Variants in JPT2 observed in about 807,000 individuals in gnomAD.
JPT2 encodes the protein Jupiter microtubule associated homolog 2.
JPT2 carries 9 observed loss-of-function variants against 15.9 expected under a neutral mutation model. That is an observed-to-expected ratio of 0.57 (90% CI 0.34 to 0.99). The LOEUF (loss-of-function observed/expected upper bound fraction) is 0.99. JPT2 is among the 50% of genes least tolerant of loss of function. JPT2 has a pLI of 0.02. For missense variants in JPT2, 267 were observed against 252.1 expected, an observed-to-expected ratio of 1.06 and a Z score of -0.40; for synonymous variants, 95 against 91.7, an observed-to-expected ratio of 1.04 and a Z score of -0.21.
rs574887382 is a variant in JPT2, at chr16:1,691,777, G to C, written c.194-66G>C. 9.6e-6 allele frequency: 15 copies of C among 1,560,122 alleles called. No individual in the cohort carries two copies. The East Asian group carries it at 3.4e-4, about 35-fold the overall frequency. The stretch of plus-strand genomic sequence containing the variant: ...TGAGAGGAGGTCTCCAAAGCACTGC[G>C]GGGGTGGGGTGGGGTGGGGTCCGGT... On this transcript the variant is annotated intron_variant, in intron 2 of 4. Transcript: ENST00000248098.
At chr16:1,696,092 G>C (rs1175151040) in intron 3 of JPT2, among the ~76,000 whole-genome samples, 1 of 152,138 alleles carries the variant, frequency 6.6e-6, no homozygotes, top group Non-Finnish European at 1.5e-5. Context: ...AGCCGGGCAT[G>C]ATGGTGGATG....
chr16:1,699,104 C>T lies in JPT2; in HGVS notation c.*106C>T, dbSNP rs2037163761. ...TGAGCGGGGTGGGAAGAGGGTTAGT[C>T]TTATGTGAGCCTGGCTGCTCAGCGT... On this transcript the variant is annotated 3_prime_UTR_variant, in exon 5 of 5. Transcript: ENST00000248098. 8 of 1,186,400 alleles carry T rather than the reference C, an allele frequency of 6.7e-6. No homozygotes were observed. The highest frequency in any genetic ancestry group is 1.5e-5 in the African/African-American group (1 of 66,862). 73.5% of individuals were successfully genotyped at this position (1,186,400 alleles called of 1,614,324 possible). A position where few individuals can be genotyped will look rare whatever the true frequency, so the allele number is the denominator to read the frequency against.
At chr16:1,679,469 G>T (rs940938931) in intron 1 of JPT2, among the ~76,000 whole-genome samples, 1 of 152,172 alleles carries the variant, frequency 6.6e-6, no homozygotes, top group African/African-American at 2.4e-5. Flanking sequence ...GCTGAGGTGG[G>T]CGAGTCACGT....
At position 1,678,287 on chromosome 16, in the gene JPT2, G is replaced by T; in HGVS notation, c.-26G>T. The T allele has an allele frequency of 8.1e-7, 1 of 1,235,912 alleles. No homozygotes were observed. The allele number at this position is 1,235,912 out of a possible 1,614,324, so 76.6% of individuals were successfully genotyped here. On this transcript the variant is annotated 5_prime_UTR_variant, in exon 1 of 5. Coordinates refer to ENST00000248098, the MANE Select transcript of JPT2 (RefSeq NM_144570.3). ...GCTGGGCGGGCGGGAACGGCGCGCGGCGAGCTGAGGGTGGCGGCGGTCGAC... is the reference window on the plus strand; with the variant it reads ...GCTGGGCGGGCGGGAACGGCGCGCGTCGAGCTGAGGGTGGCGGCGGTCGAC...
chr16:1,684,604 G>A (rs191040162), intron 1 of JPT2, among the ~76,000 whole-genome samples: 23 of 152,264 alleles, frequency 1.5e-4, no homozygotes, highest in Non-Finnish European at 2.1e-4. Context: ...GCTGGGTGTG[G>A]TGGCGCATAC....
chr16:1,691,942 C>T lies in JPT2; in HGVS notation c.293C>T (p.Pro98Leu), dbSNP rs1161142014. ...GGKTSDIFGS[P>L]VTATSRLAHP... ...AAGACCAGCGACATTTTTGGGTCTC[C>T]GGTCACTGCCACTTCACGCTTGGCA... Residue 98 changes from proline to leucine, a missense_variant, in exon 3 of 5, where the codon CCG (proline) becomes CTG (leucine). Pro to Leu is a moderately conservative substitution (Grantham distance 98, BLOSUM62 -3). Transcript: ENST00000248098. The T allele has an allele frequency of 1.9e-6, 3 of 1,614,196 alleles. No homozygotes were observed. The highest frequency in any genetic ancestry group is 1.1e-5 in the South Asian group (1 of 91,088).
rs548126456 is a variant in JPT2 at position 1,698,826 on chromosome 16, C to T, written c.401C>T (p.Pro134Leu). The change falls in exon 5 of 5, where the codon CCG becomes CTG. Residue 134 changes from proline (P) to leucine (L), a missense_variant. Coordinates refer to ENST00000248098, the MANE Select transcript of JPT2 (RefSeq NM_144570.3). This position sits in a 1 kb window ranked among gnomAD's most constrained non-coding sequence, Gnocchi z 4.9. ...KSDLKAARSI[P>L]AGAEPGEKGS... Reference sequence around the variant, plus strand: ...TGTCCCACAGCTGCAAGGAGCATCCCGGCTGGAGCAGAGCCAGGTGAGAAA... The same window carrying T: ...TGTCCCACAGCTGCAAGGAGCATCCTGGCTGGAGCAGAGCCAGGTGAGAAA... The T allele has an allele frequency of 2.0e-5, 32 of 1,612,550 alleles. No individual in the cohort carries two copies. In the East Asian group the frequency reaches 3.1e-4, roughly 16 times the overall value.
At chr16:1,694,220 A>G (rs915936254) in intron 3 of JPT2, among the ~76,000 whole-genome samples, 1 of 152,236 alleles carries the variant, frequency 6.6e-6, no homozygotes, top group Non-Finnish European at 1.5e-5. Context: ...AGTGGCCGTT[A>G]ACATCACAAA....
At position 1,701,732 on chromosome 16, in the gene JPT2, A is replaced by G. The variant is rs2037181472; in HGVS notation, c.*2734A>G. ...TGAGGAGAAGCAGAGAGCTTGTCAT[A>G]TGCAAGTCCTGTCAAGAAAACAGGT... On this transcript the variant is annotated 3_prime_UTR_variant, in exon 5 of 5. Coordinates refer to ENST00000248098, the MANE Select transcript of JPT2 (RefSeq NM_144570.3). The G allele has an allele frequency of 6.1e-6, 1 of 163,190 alleles. No individual in the cohort carries two copies. Among genetic ancestry groups the G allele is most frequent in the Non-Finnish European group, 1.4e-5 (1 of 74,022 alleles). The allele number at this position is 163,190 out of a possible 1,614,324, so 10.1% of individuals were successfully genotyped here.
At chr16:1,689,527 C>G (rs1467012812) in intron 2 of JPT2, 1 of 152,140 alleles carries the variant, frequency 6.6e-6, no homozygotes, top group African/African-American at 2.4e-5. Context: ...TGCAGTGGCA[C>G]CATCACAGCT....
At chr16:1,682,768 C>T (rs2037033868) in intron 1 of JPT2, among the ~76,000 whole-genome samples, 1 of 152,178 alleles carries the variant, frequency 6.6e-6, no homozygotes, top group Admixed American at 6.5e-5. Flanking sequence ...AGCACCTCAC[C>T]TAAAATCTTG....
At chr16:1,695,731 C>G (rs2037136686) in intron 3 of JPT2, among the ~76,000 whole-genome samples, 1 of 151,728 alleles carries the variant, frequency 6.6e-6, no homozygotes, top group African/African-American at 2.4e-5. Context: ...ATTACCCGGG[C>G]ATGGTGGTGC....
intron 2 of JPT2, 62 bp downstream of exon 2, chr16:1,685,649 C>A (rs2037059293): frequency 4.6e-6 from 7 of 1,538,022 alleles, no homozygotes; most frequent in Non-Finnish European, 6.2e-6. Flanking sequence ...AAAATATTTT[C>A]TGTTTCTTTA....
At chr16:1,678,976 G>C (rs2036998059) in intron 1 of JPT2, among the ~76,000 whole-genome samples, 1 of 152,246 alleles carries the variant, frequency 6.6e-6, no homozygotes, top group South Asian at 2.1e-4. Flanking sequence ...TCTATCTCCT[G>C]GGAAGGTGGA....
intron 3 of JPT2, among the ~76,000 whole-genome samples, chr16:1,693,157 T>G (rs2037115949): frequency 6.6e-6 from 1 of 152,224 alleles, no homozygotes; most frequent in Non-Finnish European, 1.5e-5. Context: ...TGGAGTGCAG[T>G]GGCACGATCT....
intron 1 of JPT2, among the ~76,000 whole-genome samples, chr16:1,679,303 A>G (rs1454434610): frequency 6.6e-6 from 1 of 152,212 alleles, no homozygotes; most frequent in Non-Finnish European, 1.5e-5. Context: ...GACCAATACT[A>G]TATTGCTTCT....
chr16:1,679,107 T>C (rs185317937), intron 1 of JPT2, among the ~76,000 whole-genome samples: 1 of 152,208 alleles, frequency 6.6e-6, no homozygotes, highest in Non-Finnish European at 1.5e-5. Flanking sequence ...TAAAGCACTC[T>C]TTGGGTATTG....
chr16:1,684,751 A>C (rs1567468888), intron 1 of JPT2, among the ~76,000 whole-genome samples: 1 of 152,078 alleles, frequency 6.6e-6, no homozygotes, highest in East Asian at 1.9e-4. Flanking sequence ...CTCAAAAAAA[A>C]CAAACAAAAG....
chr16:1,692,518 G>A (rs547961591), intron 3 of JPT2: 1 of 164,534 alleles, frequency 6.1e-6, no homozygotes, highest in African/African-American at 2.4e-5. Flanking sequence ...GGAGAGGAAT[G>A]CCTACACGAT....
Sources: gnomAD v4.1 joint callset for allele counts (sites outside exome capture counted in the v4.1 genomes callset) on GRCh38, gnomAD v4.1.1 for gene constraint, Gnocchi (gnomAD v3.1) non-coding constraint, MANE v1.5 for transcripts, NCBI Gene and HGNC (gene_info 2026-07-23, HGNC 2026-07-21) for gene names.